The following ARL14EPL variants were observed in gnomAD, a reference collection of about 807,000 sequenced individuals.
ARL14EPL encodes the protein ARF like GTPase 14 effector protein like.
A neutral mutation model predicts 15.9 loss-of-function variants in ARL14EPL; 17 were observed. The observed-to-expected ratio is 1.07, with a 90% CI of 0.73 to 1.60. The LOEUF is 1.60. ARL14EPL is among the 40% of genes most tolerant of loss of function. The pLI, the probability that ARL14EPL is intolerant of heterozygous loss-of-function variation, is 0.00. For synonymous variants in ARL14EPL, 78 were observed against 63.8 expected (o/e 1.22, Z -1.06); for missense variants, 214 against 185.9 (o/e 1.15, Z -0.88).
intron 1 of ARL14EPL, among the ~76,000 whole-genome samples, chr5:116,049,876 C>A: frequency 6.6e-6 from 1 of 151,978 alleles, no homozygotes; most frequent in Non-Finnish European, 1.5e-5. Context: ...ATTTACTTAA[C>A]GCACCCAAAA....
At chr5:116,047,994 A>T (rs898273822) in intron 1 of ARL14EPL, among the ~76,000 whole-genome samples, 1 of 152,188 alleles carries the variant, frequency 6.6e-6, no homozygotes, top group African/African-American at 2.4e-5. Flanking sequence ...TATTGCTTTT[A>T]AAACCCCAAC....
At chr5:116,032,799 T>G (rs994510961) in intron 1 of ARL14EPL, among the ~76,000 whole-genome samples, 1 of 152,056 alleles carries the variant, frequency 6.6e-6, no homozygotes, top group African/African-American at 2.4e-5. Context: ...GTGGTGGTTT[T>G]TGTTTTTGTT....
At chr5:116,057,249 T>C (rs1749539874) in intron 3 of ARL14EPL, among the ~76,000 whole-genome samples, 1 of 152,112 alleles carries the variant, frequency 6.6e-6, no homozygotes. Flanking sequence ...AGTTCCTTTT[T>C]GAGGGGAGGG....
At chr5:116,051,153 A>G (rs1454345972) in intron 1 of ARL14EPL, 1 of 235,782 alleles carries the variant, frequency 4.2e-6, no homozygotes, top group East Asian at 9.2e-5. Context: ...AGAAGGAAGA[A>G]TGGAGTTCTA....
intron 1 of ARL14EPL, among the ~76,000 whole-genome samples, chr5:116,043,323 T>G (rs1749199774): frequency 6.6e-6 from 1 of 151,968 alleles, no homozygotes; most frequent in Non-Finnish European, 1.5e-5. Flanking sequence ...AAGGAGTGCT[T>G]TAGTATGTGA....
chr5:116,033,355 A>G (rs1748992653), intron 1 of ARL14EPL, among the ~76,000 whole-genome samples: 1 of 152,276 alleles, frequency 6.6e-6, no homozygotes, highest in East Asian at 1.9e-4. Context: ...TCAACATTTT[A>G]TTATAAAATA....
rs530554230 is a variant in ARL14EPL, at chr5:116,032,525, A to T, written c.-10+20A>T. On this transcript the variant is annotated intron_variant, in intron 1 of 3. Coordinates refer to ENST00000686077, the MANE Select transcript of ARL14EPL (RefSeq NM_001195581.2). ...AGAAGCGTGAGTACAGTACAATAAGATATTTTGAAAGAGAAAGATACCATA... is the reference window on the plus strand; with the variant it reads ...AGAAGCGTGAGTACAGTACAATAAGTTATTTTGAAAGAGAAAGATACCATA... The T allele has an allele frequency of 2.7e-4, 41 of 152,286 alleles. No individual in the cohort carries two copies. Among genetic ancestry groups the T allele is most frequent in the Admixed American group, 3.3e-4 (5 of 15,292 alleles). 9.4% of individuals were successfully genotyped at this position (152,286 alleles called of 1,614,324 possible).
chr5:116,057,400 G>A (rs943955109), intron 3 of ARL14EPL, among the ~76,000 whole-genome samples: 2 of 140,848 alleles, frequency 1.4e-5, no homozygotes, highest in Non-Finnish European at 3.1e-5. Context: ...ATGATTTGAT[G>A]TGTATAATTC....
At chr5:116,057,746 C>G (rs564077555) in intron 3 of ARL14EPL, among the ~76,000 whole-genome samples, 52 of 152,254 alleles carry the variant, frequency 3.4e-4, no homozygotes, top group Non-Finnish European at 4.4e-4. Flanking sequence ...GGAAAAGGAA[C>G]AGGATGGAAC....
Position 116,037,616 on chromosome 5 carries a change from A to C in ARL14EPL, c.-10+5111A>C, listed in dbSNP as rs536317083. 1.8e-3 allele frequency among the ~76,000 whole-genome samples: 273 copies of C among 152,310 alleles called. 1 individual carries two copies. Among genetic ancestry groups the C allele is most frequent in the Middle Eastern group, 6.8e-3 (2 of 294 alleles). Reference sequence around the variant, plus strand: ...TTTTTAACTGTTTTAATTCTGGATTAGGGGTTTTGTGCCATCTGCTGGACA... The same window carrying C: ...TTTTTAACTGTTTTAATTCTGGATTCGGGGTTTTGTGCCATCTGCTGGACA... On this transcript the variant is annotated intron_variant, in intron 1 of 3. Transcript: ENST00000686077.
intron 3 of ARL14EPL, among the ~76,000 whole-genome samples, chr5:116,055,157 A>C (rs1428973908): frequency 2.0e-5 from 3 of 152,200 alleles, no homozygotes. Flanking sequence ...GAAGTGCCAT[A>C]CTCCCCAGGG....
intron 3 of ARL14EPL, among the ~76,000 whole-genome samples, chr5:116,058,523 G>A (rs531532239): frequency 1.2e-4 from 18 of 152,294 alleles, no homozygotes; most frequent in South Asian, 1.0e-3. Context: ...TGAATTTCCC[G>A]TGACGTCACT....
At chr5:116,051,172 G>C (rs1422741414) in intron 1 of ARL14EPL, 1 of 265,944 alleles carries the variant, frequency 3.8e-6, no homozygotes. Flanking sequence ...TAAAAACTCA[G>C]AGTCTTCTTA....
chr5:116,051,653 C>A, intron 2 of ARL14EPL, 92 bp downstream of exon 2: 2 of 1,114,904 alleles, frequency 1.8e-6, no homozygotes, highest in Non-Finnish European at 2.5e-6. Flanking sequence ...GGAAGGTGGG[C>A]CCAGGCAGGA....
At chr5:116,044,154 A>G (rs1044196797) in intron 1 of ARL14EPL, among the ~76,000 whole-genome samples, 2 of 152,226 alleles carry the variant, frequency 1.3e-5, no homozygotes, top group Admixed American at 1.3e-4. Context: ...CATCATTGCC[A>G]GATGGGTTGC....
At chr5:116,040,824 A>T (rs967712075) in intron 1 of ARL14EPL, among the ~76,000 whole-genome samples, 4 of 149,456 alleles carry the variant, frequency 2.7e-5, no homozygotes, top group African/African-American at 9.8e-5. Flanking sequence ...CAAAAAAAAA[A>T]AAAAAAATTA....
chr5:116,035,149 T>C (rs1580409249), intron 1 of ARL14EPL, among the ~76,000 whole-genome samples: 1 of 152,294 alleles, frequency 6.6e-6, no homozygotes, highest in East Asian at 1.9e-4. Flanking sequence ...TAAGAGACTC[T>C]TTTACAGCTG....
chr5:116,050,104 A>T (rs2112676335), intron 1 of ARL14EPL, among the ~76,000 whole-genome samples: 1 of 152,360 alleles, frequency 6.6e-6, no homozygotes, highest in South Asian at 2.1e-4. Flanking sequence ...GAATTTTATA[A>T]GGAGAAATAA....
chr5:116,050,850 CACACACAG>C (rs1200167633), intron 1 of ARL14EPL, among the ~76,000 whole-genome samples: 1 of 151,878 alleles, frequency 6.6e-6, no homozygotes, highest in Admixed American at 6.6e-5. Flanking sequence ...CACACACACA[CACACACAG>C]ACGCACGCAC....
Sources: gnomAD v4.1 joint callset for allele counts (sites outside exome capture counted in the v4.1 genomes callset) on GRCh38, gnomAD v4.1.1 for gene constraint, MANE v1.5 for transcripts, NCBI Gene and HGNC (gene_info 2026-07-23, HGNC 2026-07-21) for gene names.